Variants in TNR observed in about 807,000 individuals in gnomAD.
TNR encodes the protein tenascin R.
TNR carries 45 observed loss-of-function variants against 150.4 expected under a neutral mutation model. That is an observed-to-expected ratio of 0.30 (90% CI 0.24 to 0.38). TNR has a LOEUF of 0.38. Among genes scored for constraint, TNR ranks in the 10% least tolerant of loss-of-function variants. TNR has a pLI of 1.00. For missense variants in TNR, 1,544 were observed against 1,759.1 expected, an observed-to-expected ratio of 0.88 and a Z score of 2.19; for synonymous variants, 687 against 678.4, an observed-to-expected ratio of 1.01 and a Z score of -0.20.
At chr1:175,564,493 G>C (rs1661558634) in intron 1 of TNR, among the ~76,000 whole-genome samples, 1 of 152,116 alleles carries the variant, frequency 6.6e-6, no homozygotes, top group South Asian at 2.1e-4. Context: ...ATATCAAATG[G>C]TACCTAGAGG....
chr1:175,325,180 G>GA (rs374968478), intron 21 of TNR, among the ~76,000 whole-genome samples: 7 of 152,122 alleles, frequency 4.6e-5, no homozygotes, highest in African/African-American at 1.7e-4. Context: ...GGGCTATTGA[G>GA]AAAAAAATTA....
chr1:175,377,721 A>C (rs1159005185), intron 9 of TNR, among the ~76,000 whole-genome samples: 3 of 152,102 alleles, frequency 2.0e-5, no homozygotes, highest in Non-Finnish European at 4.4e-5. Context: ...CTTTGATTAT[A>C]CTGCCCTTGT....
At chr1:175,711,669 C>G (rs924323280) in intron 1 of TNR, among the ~76,000 whole-genome samples, 1 of 152,128 alleles carries the variant, frequency 6.6e-6, no homozygotes, top group African/African-American at 2.4e-5. Flanking sequence ...CCCAGGACAA[C>G]AGAAGCACTG....
At chr1:175,737,766 G>A (rs1488678484) in intron 1 of TNR, among the ~76,000 whole-genome samples, 1 of 152,154 alleles carries the variant, frequency 6.6e-6, no homozygotes, top group Non-Finnish European at 1.5e-5. Context: ...CCAAGTTGGG[G>A]TGCCCTTGGC....
At chr1:175,511,461 A>G (rs1384210198) in intron 2 of TNR, among the ~76,000 whole-genome samples, 1 of 152,218 alleles carries the variant, frequency 6.6e-6, no homozygotes. Flanking sequence ...TAGAGGAATG[A>G]TGGATTGTGA....
chr1:175,625,098 G>C (rs952422492), intron 1 of TNR, among the ~76,000 whole-genome samples: 1 of 152,198 alleles, frequency 6.6e-6, no homozygotes, highest in African/African-American at 2.4e-5. Flanking sequence ...TAGGGAAGAA[G>C]GGACCTCTAC....
In TNR at chr1:175,390,143, A is replaced by G. The variant is rs1449070614; in HGVS notation, c.1507+1145T>C. 4.6e-5 allele frequency among the ~76,000 whole-genome samples: 7 copies of G among 152,190 alleles called. No individual in the cohort carries two copies. The South Asian group carries it at 6.2e-4, about 14-fold the overall frequency. The stretch of plus-strand genomic sequence containing the variant: ...CTACTGCCACAATAGTTCTGAACCA[A>G]CGTTTTCTAAACTGAGCTTAAGCCT... On this transcript the variant is annotated intron_variant, in intron 7 of 22. Transcript: ENST00000367674.
intron 2 of TNR, among the ~76,000 whole-genome samples, chr1:175,417,070 A>AGAAAGAAG (rs1654522800): frequency 6.6e-6 from 1 of 151,030 alleles, no homozygotes; most frequent in Non-Finnish European, 1.5e-5. Flanking sequence ...AAAGAAAGAA[A>AGAAAGAAG]GAAAGAAATC....
chr1:175,703,902 A>G (rs574847205), intron 1 of TNR, among the ~76,000 whole-genome samples: 8 of 152,346 alleles, frequency 5.3e-5, no homozygotes, highest in African/African-American at 1.9e-4. Flanking sequence ...CCCCAAGACA[A>G]GATTTTTAAC....
chr1:175,579,336 T>C (rs1256624837), intron 1 of TNR, among the ~76,000 whole-genome samples: 1 of 151,944 alleles, frequency 6.6e-6, no homozygotes, highest in Non-Finnish European at 1.5e-5. Context: ...CTACAGACTG[T>C]AGGAATGATG....
intron 2 of TNR, among the ~76,000 whole-genome samples, chr1:175,417,075 G>GAAAGAAAGAAAT (rs754333098): frequency 0.01 from 1,395 of 137,898 alleles, 13 homozygotes; most frequent in East Asian, 0.027. Flanking sequence ...AAGAAAGAAA[G>GAAAGAAAGAAAT]AAATCTAAGA....
chr1:175,573,741 G>T (rs894699078), intron 1 of TNR, among the ~76,000 whole-genome samples: 1 of 152,126 alleles, frequency 6.6e-6, no homozygotes, highest in East Asian at 1.9e-4. Flanking sequence ...GTGGGCGTGG[G>T]AGTTGATGCA....
At chr1:175,420,959 AT>A (rs1654724495) in intron 2 of TNR, among the ~76,000 whole-genome samples, 1 of 152,120 alleles carries the variant, frequency 6.6e-6, no homozygotes, top group African/African-American at 2.4e-5. Flanking sequence ...TTATTTAATT[AT>A]TTATCTTTGT....
At chr1:175,411,188 A>C (rs1387468369) in intron 2 of TNR, among the ~76,000 whole-genome samples, 1 of 152,136 alleles carries the variant, frequency 6.6e-6, no homozygotes, top group Non-Finnish European at 1.5e-5. Context: ...CTAATAATGA[A>C]AGTTACCTGG....
chr1:175,571,840 T>C (rs2102220201), intron 1 of TNR, among the ~76,000 whole-genome samples: 1 of 152,268 alleles, frequency 6.6e-6, no homozygotes, highest in Non-Finnish European at 1.5e-5. Flanking sequence ...AAAAAGAGCA[T>C]CAGGCAGAGT....
chr1:175,353,632 G>C (rs1651169840), intron 18 of TNR, among the ~76,000 whole-genome samples: 1 of 152,134 alleles, frequency 6.6e-6, no homozygotes, highest in Non-Finnish European at 1.5e-5. Flanking sequence ...CTGACCAGTT[G>C]TTATATAAGA....
At chr1:175,447,222 A>AGGAGGGGGTGG (rs1656095092) in intron 2 of TNR, among the ~76,000 whole-genome samples, 1 of 135,020 alleles carries the variant, frequency 7.4e-6, no homozygotes, top group Non-Finnish European at 1.6e-5. Context: ...GGAGTGGGTG[A>AGGAGGGGGTGG]GGAGGGGGTG....
At chr1:175,600,960 C>T (rs1159848484) in intron 1 of TNR, among the ~76,000 whole-genome samples, 2 of 152,236 alleles carry the variant, frequency 1.3e-5, no homozygotes, top group African/African-American at 4.8e-5. Context: ...GACAGTTCCT[C>T]ATTCTCTTTC....
rs1651286854 is a variant in TNR, at chr1:175,355,578, C to A, written c.3174G>T (p.Leu1058=). 7 of 1,614,072 alleles carry A rather than the reference C, an allele frequency of 4.3e-6. No homozygotes were observed. In the East Asian group the frequency reaches 1.6e-4, roughly 36 times the overall value. The change falls in exon 17 of 23, where the codon CTG becomes CTT. Residue 1058 remains leucine, a synonymous_variant. Transcript: ENST00000367674. ...TASEVTRQSA[L]ISWQPPRAEI... is the part of the protein sequence containing the mutation. ...CTGCCCTGGGAGGCTGCCAGGAGAT[C>A]AGGGCACTTTGTCTGGTGACTTCAC...
Sources: allele counts gnomAD v4.1 joint callset (sites outside exome capture counted in the v4.1 genomes callset), GRCh38; gene constraint gnomAD v4.1.1; transcripts MANE v1.5; gene names NCBI Gene and HGNC (gene_info 2026-07-23, HGNC 2026-07-21).